Variants in NCOR2 observed in about 807,000 individuals in gnomAD.
NCOR2 encodes nuclear receptor corepressor 2, also known as CTG repeat protein 26.
Under a neutral mutation model 262.9 loss-of-function variants are expected in NCOR2, and 81 were observed. The observed-to-expected ratio is 0.31, with a 90% CI of 0.26 to 0.37. NCOR2 has a LOEUF of 0.37. Among genes scored for constraint, NCOR2 ranks in the 10% least tolerant of loss-of-function variants. The pLI, the probability that NCOR2 is intolerant of heterozygous loss-of-function variation, is 1.00. For synonymous variants in NCOR2, 1,659 were observed against 1,559.3 expected, an observed-to-expected ratio of 1.06 and a Z score of -1.51; for missense variants, 3,385 against 3,621.4, an observed-to-expected ratio of 0.93 and a Z score of 1.68.
intron 1 of NCOR2, among the ~76,000 whole-genome samples, chr12:124,500,920 TCTG>T (rs1158179651): frequency 1.3e-5 from 2 of 152,118 alleles, no homozygotes; most frequent in Non-Finnish European, 2.9e-5. Flanking sequence ...CACGCGGGGC[TCTG>T]CGCCGCACGT....
chr12:124,333,446 AT>A (rs1461244253), intron 41 of NCOR2, among the ~76,000 whole-genome samples, 167 bp from the exon 44 acceptor site: 1 of 151,822 alleles, frequency 6.6e-6, no homozygotes, highest in East Asian at 1.9e-4. Flanking sequence ...TATCGTTATC[AT>A]TTTTATTTTT....
Position 124,482,657 on chromosome 12 carries a change from C to T in NCOR2, c.411+939G>A, listed in dbSNP as rs551218537. ...CTGTGGAGGTGGGGGTGGTGGAAAT[C>T]GCACCTGGGTCACCTGAGGGCAGAT... is the stretch of plus-strand genomic sequence containing the variant. On this transcript the variant is annotated intron_variant, in intron 3 of 46. Transcript: ENST00000405201. The surrounding 1 kb of genome is among the most constrained non-coding windows in gnomAD (Gnocchi z 6.3). Among the ~76,000 whole-genome samples, 9 of 152,246 alleles carry T rather than the reference C, an allele frequency of 5.9e-5. No individual in the cohort carries two copies. In the South Asian group the frequency reaches 1.4e-3, roughly 25 times the overall value.
In NCOR2 at chr12:124,529,335, G is replaced by A. The variant is rs554724463; in HGVS notation, c.-118+6230C>T. Among the ~76,000 whole-genome samples the A allele has an allele frequency of 2.6e-5, 4 of 151,324 alleles. No individual in the cohort carries two copies. The South Asian group carries it at 8.3e-4, about 31-fold the overall frequency. Reference sequence around the variant, plus strand: ...AAAAAAATACAAAAACTAGCCAGATGTGGTGGCGCATGCCTGTAATCCCAG... The same window carrying A: ...AAAAAAATACAAAAACTAGCCAGATATGGTGGCGCATGCCTGTAATCCCAG... On this transcript the variant is annotated intron_variant, in intron 1 of 46. Coordinates refer to the NCOR2 transcript ENST00000404621.
chr12:124,417,360 T>C (rs972704749), intron 13 of NCOR2, among the ~76,000 whole-genome samples: 22 of 152,130 alleles, frequency 1.4e-4, no homozygotes, highest in Admixed American at 1.3e-4. Flanking sequence ...CAACAGGATA[T>C]GCCGGGCACC....
At position 124,373,903 on chromosome 12, in the gene NCOR2, T is replaced by C. The variant is rs2695992; in HGVS notation, c.2218+510A>G. ...CGGTGGACAACGAGGCCAGTGCGTG[T>C]GCAGGGGCCCCGGGCACAGCCCACA... On this transcript the variant is annotated intron_variant, in intron 19 of 46. Coordinates refer to ENST00000405201, the Ensembl canonical transcript of NCOR2. 0.038 allele frequency among the ~76,000 whole-genome samples: 2,979 copies of C among 78,150 alleles called. 525 individuals are homozygous for C. In the East Asian group the frequency reaches 0.52, roughly 14 times the overall value. 51.3% of individuals were successfully genotyped at this position (78,150 alleles called of 152,430 possible).
intron 28 of NCOR2, among the ~76,000 whole-genome samples, chr12:124,349,977 G>A (rs987438962): frequency 4.6e-5 from 7 of 152,132 alleles, no homozygotes; most frequent in Non-Finnish European, 7.4e-5. Context: ...AGGGGGCTGC[G>A]GGCACAGGCG....
intron 13 of NCOR2, among the ~76,000 whole-genome samples, chr12:124,416,449 C>T (rs539620019): frequency 2.3e-4 from 35 of 152,224 alleles, no homozygotes; most frequent in African/African-American, 8.4e-4. Context: ...GCTCCTCAAC[C>T]TCATCTTTGG....
Position 124,507,235 on chromosome 12 carries a change from G to A in NCOR2, c.-117-11867C>T, listed in dbSNP as rs919616738. ...GGAGTTACTGTTTAACAGATATAGC[G>A]ATTCAGTTTTGCCACATGAAAAGTG... On this transcript the variant is annotated intron_variant, in intron 1 of 46. Coordinates refer to the NCOR2 transcript ENST00000404621. Among the ~76,000 whole-genome samples the A allele has an allele frequency of 3.3e-5, 5 of 152,192 alleles. No individual in the cohort carries two copies. The East Asian group carries it at 9.6e-4, about 29-fold the overall frequency.
At chr12:124,350,820 A>G in intron 27 of NCOR2, 83 bp from the exon 30 acceptor site, 5 of 1,467,640 alleles carry the variant, frequency 3.4e-6, no homozygotes, top group Non-Finnish European at 4.6e-6. Context: ...ACGTGCTTAA[A>G]AGCCCATGTG....
intron 1 of NCOR2, among the ~76,000 whole-genome samples, chr12:124,519,338 G>C (rs912059571): frequency 6.6e-6 from 1 of 152,140 alleles, no homozygotes; most frequent in Non-Finnish European, 1.5e-5. Context: ...GGCAGAGGAG[G>C]CTCCACCAGG....
At chr12:124,359,665 A>T (rs1228856438) in intron 22 of NCOR2, among the ~76,000 whole-genome samples, 1 of 152,214 alleles carries the variant, frequency 6.6e-6, no homozygotes, top group Non-Finnish European at 1.5e-5. Context: ...GCCCAGTTCC[A>T]GAGAGTTGGG....
Position 124,519,123 on chromosome 12 carries a change from CACACACACAG to C in NCOR2, c.-118+16432_-118+16441del, listed in dbSNP as rs797006604. Among the ~76,000 whole-genome samples the C allele has an allele frequency of 2.5e-4, 38 of 151,536 alleles. 1 individual carries two copies. The East Asian group carries it at 4.3e-3, about 17-fold the overall frequency. On this transcript the variant is annotated intron_variant, in intron 1 of 46. Coordinates refer to the NCOR2 transcript ENST00000404621. ...ACACACACACACACACACACACACA[CACACACACAG>C]GCCAACAATGATGGCTTGGTAGTCA... is the stretch of plus-strand genomic sequence containing the variant.
At position 124,494,583 on chromosome 12, in the gene NCOR2, G is replaced by A. The variant is rs546601074; in HGVS notation, c.105+564C>T. On this transcript the variant is annotated intron_variant, in intron 1 of 46. Transcript: ENST00000405201. ...CACCTGCTCCCAGGGCAAGCCATCT[G>A]CCCTGGCCACAGGGCGGGCTCCCCA... Among the ~76,000 whole-genome samples, 3 of 152,274 alleles carry A rather than the reference G, an allele frequency of 2.0e-5. No individual in the cohort carries two copies. In the East Asian group the frequency reaches 5.8e-4, roughly 29 times the overall value.
chr12:124,344,509 G>A (rs2036756907), intron 32 of NCOR2, 88 bp downstream of exon 34: 1 of 1,226,532 alleles, frequency 8.2e-7, no homozygotes, highest in Non-Finnish European at 1.1e-6. Flanking sequence ...GGATATCCCA[G>A]GTGCAAACTA....
chr12:124,356,700 C>A, exon 23 of NCOR2: 1 of 1,493,380 alleles, frequency 6.7e-7, no homozygotes. Context: ...CCTTGATCAC[C>A]TCACGGGGGG....
At position 124,346,361 on chromosome 12, in the gene NCOR2, T is replaced by C. The variant is rs78423031; in HGVS notation, c.4359+203A>G. The stretch of plus-strand genomic sequence containing the variant: ...AAGAATGGGAACAATGTGAGTTCAG[T>C]AGAATCAGGTCAGGAGCCTGGTGCC... On this transcript the variant is annotated intron_variant, in intron 31 of 46. Transcript: ENST00000405201. 2.8e-3 allele frequency among the ~76,000 whole-genome samples: 425 copies of C among 152,080 alleles called. 2 individuals are homozygous for C. The highest frequency in any genetic ancestry group is 1.0e-2 in the African/African-American group (413 of 41,478).
chr12:124,354,463 C>A lies in NCOR2; in HGVS notation c.3589+15G>T, dbSNP rs370166754. ...AGGGGCAGATGCTGGGGGCCCAGGG[C>A]AGAAGGGCCCTCACCTCTCAGCACG... On this transcript the variant is annotated intron_variant, in intron 26 of 46. Coordinates refer to ENST00000405201, the Ensembl canonical transcript of NCOR2. The A allele has an allele frequency of 4.8e-5, 72 of 1,503,672 alleles. No homozygotes were observed. In the East Asian group the frequency reaches 1.2e-3, roughly 26 times the overall value. The allele number at this position is 1,503,672 out of a possible 1,614,324, so 93.1% of individuals were successfully genotyped here. A position where few individuals can be genotyped will look rare whatever the true frequency, so the allele number is the denominator to read the frequency against.
chr12:124,519,330 C>A (rs2137075606), intron 1 of NCOR2, among the ~76,000 whole-genome samples: 1 of 152,168 alleles, frequency 6.6e-6, no homozygotes, highest in East Asian at 1.9e-4. Flanking sequence ...TCCCAGGAGG[C>A]AGAGGAGGCT....
At position 124,504,083 on chromosome 12, in the gene NCOR2, C is replaced by T. The variant is rs555170864; in HGVS notation, c.-117-8715G>A. Reference sequence around the variant, plus strand: ...CAGCGTGGGAGGGTCTCAACTCTCCCGAGTCCCCCACCTGGCACCACTTCT... The same window carrying T: ...CAGCGTGGGAGGGTCTCAACTCTCCTGAGTCCCCCACCTGGCACCACTTCT... On this transcript the variant is annotated intron_variant, in intron 1 of 46. Coordinates refer to the NCOR2 transcript ENST00000404621. The surrounding 1 kb of genome is among the most constrained non-coding windows in gnomAD (Gnocchi z 4.5). Among the ~76,000 whole-genome samples the T allele has an allele frequency of 3.3e-5, 5 of 152,320 alleles. No individual in the cohort carries two copies. In the East Asian group the frequency reaches 9.6e-4, roughly 29 times the overall value.
Sources: allele counts gnomAD v4.1 joint callset (sites outside exome capture counted in the v4.1 genomes callset), GRCh38; gene constraint gnomAD v4.1.1; non-coding constraint Gnocchi (gnomAD v3.1); transcripts MANE v1.5; gene names NCBI Gene and HGNC (gene_info 2026-07-23, HGNC 2026-07-21).